CNTN5: variants seen among roughly 807,000 people sequenced by gnomAD.
CNTN5 encodes the protein contactin 5.
A neutral mutation model predicts 129.1 loss-of-function variants in CNTN5; 77 were observed. The observed-to-expected ratio is 0.60, with a 90% confidence interval of 0.50 to 0.72. The LOEUF is 0.72. Ranked by LOEUF, CNTN5 falls within the 30% of genes least tolerant of loss-of-function variation. The pLI, the probability that CNTN5 is intolerant of heterozygous loss-of-function variation, is 0.00. For synonymous variants in CNTN5, 509 were observed against 465.6 expected, an observed-to-expected ratio of 1.09 and a Z score of -1.20; for missense variants, 1,478 against 1,328.8, an observed-to-expected ratio of 1.11 and a Z score of -1.75.
In CNTN5 at chr11:99,561,537, T is replaced by C. The variant is rs570446956; in HGVS notation, c.55+5268T>C. On this transcript the variant is annotated intron_variant, in intron 3 of 24. Coordinates refer to ENST00000524871, the MANE Select transcript of CNTN5 (RefSeq NM_014361.4). Reference sequence around the variant, plus strand: ...TGCATACTGACTTGTTTCCAAAGAGTACAGAATGGGAAATGGGGGCCAAAA... The same window carrying C: ...TGCATACTGACTTGTTTCCAAAGAGCACAGAATGGGAAATGGGGGCCAAAA... Among the ~76,000 whole-genome samples, 9 of 152,114 alleles carry C rather than the reference T, an allele frequency of 5.9e-5. No individual in the cohort carries two copies. The South Asian group carries it at 6.2e-4, about 11-fold the overall frequency.
At chr11:99,629,207 A>G (rs140209028) in intron 3 of CNTN5, among the ~76,000 whole-genome samples, 3 of 152,034 alleles carry the variant, frequency 2.0e-5, no homozygotes, top group African/African-American at 7.2e-5. Flanking sequence ...TTGTAGCCAC[A>G]AAATTATTAT....
intron 13 of CNTN5, among the ~76,000 whole-genome samples, chr11:100,165,832 T>A (rs1406284068): frequency 6.6e-6 from 1 of 151,696 alleles, no homozygotes; most frequent in African/African-American, 2.4e-5. Context: ...CCTAAAGCAA[T>A]CCTTGAGATA....
chr11:99,608,100 TA>T (rs11284734), intron 3 of CNTN5, among the ~76,000 whole-genome samples: 60,198 of 147,284 alleles, frequency 0.41, 12,602 homozygotes, highest in East Asian at 0.56. Flanking sequence ...TAGAGTATAA[TA>T]AAAAAAAAAA....
chr11:100,352,356 A>AT (rs1054770753), intron 24 of CNTN5, among the ~76,000 whole-genome samples: 1 of 151,820 alleles, frequency 6.6e-6, no homozygotes, highest in South Asian at 2.1e-4. Flanking sequence ...CATTCATTTC[A>AT]TTTTTTTAAA....
intron 15 of CNTN5, 127 bp downstream of exon 15, chr11:100,193,790 T>C (rs1266976494): frequency 1.4e-6 from 1 of 716,570 alleles, no homozygotes; most frequent in East Asian, 3.0e-5. Context: ...ATAAAAACAA[T>C]TACTTTCTGC....
chr11:100,057,600 A>G (rs2137784140), intron 9 of CNTN5, among the ~76,000 whole-genome samples: 1 of 152,052 alleles, frequency 6.6e-6, no homozygotes, highest in African/African-American at 2.4e-5. Context: ...ACTGCCCTAA[A>G]GATATTTGCA....
rs375467504 is a variant in CNTN5, at chr11:100,014,627, T to C, written c.980+12491T>C. Among the ~76,000 whole-genome samples, 84 of 152,258 alleles carry C rather than the reference T, an allele frequency of 5.5e-4. 1 individual carries two copies. In the South Asian group the frequency reaches 8.5e-3, roughly 15 times the overall value. ...AAAATTAAAAATACATAGATTTTTA[T>C]TGATGCTTCATTAGCTTTGGGAATT... On this transcript the variant is annotated intron_variant, in intron 9 of 24. Transcript: ENST00000524871.
chr11:99,712,681 T>G (rs1955043061), intron 3 of CNTN5, among the ~76,000 whole-genome samples: 1 of 152,174 alleles, frequency 6.6e-6, no homozygotes, highest in Admixed American at 6.5e-5. Context: ...GGATCTAGTT[T>G]CAGCTTTCTG....
At chr11:99,477,941 A>G (rs1945442208) in intron 2 of CNTN5, among the ~76,000 whole-genome samples, 1 of 152,180 alleles carries the variant, frequency 6.6e-6, no homozygotes, top group Non-Finnish European at 1.5e-5. Context: ...TTGTAGAATC[A>G]GAATGTGAAT....
chr11:99,455,017 C>A (rs368332900), intron 2 of CNTN5, among the ~76,000 whole-genome samples: 1 of 152,046 alleles, frequency 6.6e-6, no homozygotes, highest in Admixed American at 6.6e-5. Flanking sequence ...GAATCTAAAC[C>A]TTGGCAAGGG....
intron 3 of CNTN5, among the ~76,000 whole-genome samples, chr11:99,718,120 G>T (rs1175319073): frequency 3.3e-5 from 5 of 151,908 alleles, no homozygotes; most frequent in African/African-American, 1.2e-4. Flanking sequence ...CGCTCTAATT[G>T]GAACCTTACA....
intron 1 of CNTN5, among the ~76,000 whole-genome samples, chr11:99,078,126 G>T (rs560765687): frequency 6.6e-6 from 1 of 152,058 alleles, no homozygotes; most frequent in South Asian, 2.1e-4. Context: ...CACAAAAATT[G>T]ATATTAATGT....
intron 3 of CNTN5, among the ~76,000 whole-genome samples, chr11:99,695,771 A>G (rs1359910998): frequency 6.6e-6 from 1 of 152,020 alleles, no homozygotes; most frequent in Admixed American, 6.6e-5. Flanking sequence ...ACTCTGTAAA[A>G]GCTGACAACC....
chr11:100,261,545 T>C (rs180857401), intron 17 of CNTN5, among the ~76,000 whole-genome samples: 109 of 152,064 alleles, frequency 7.2e-4, no homozygotes, highest in African/African-American at 1.9e-3. Context: ...TGAACTCAAA[T>C]TCTACTATAA....
chr11:100,031,852 C>A (rs1941728149), intron 9 of CNTN5, among the ~76,000 whole-genome samples: 1 of 152,120 alleles, frequency 6.6e-6, no homozygotes, highest in Non-Finnish European at 1.5e-5. Flanking sequence ...ATCCTAAATC[C>A]CTCACTAACC....
intron 1 of CNTN5, among the ~76,000 whole-genome samples, chr11:99,053,350 C>A (rs920231185): frequency 6.6e-6 from 1 of 151,908 alleles, no homozygotes; most frequent in African/African-American, 2.4e-5. Context: ...AACAGTCATG[C>A]CAAATGTACA....
At chr11:99,139,616 C>A (rs1263219287) in intron 1 of CNTN5, among the ~76,000 whole-genome samples, 3 of 143,474 alleles carry the variant, frequency 2.1e-5, no homozygotes, top group East Asian at 4.4e-4. Context: ...TATAAAACAT[C>A]TTTTCTTATT....
At chr11:99,951,819 AT>A (rs200800383) in intron 7 of CNTN5, among the ~76,000 whole-genome samples, 1,803 of 152,300 alleles carry the variant, frequency 0.012, 35 homozygotes, top group African/African-American at 0.041. Context: ...GAACAAGCCA[AT>A]TTTGATCTTA....
intron 3 of CNTN5, among the ~76,000 whole-genome samples, chr11:99,754,201 G>A (rs1944337342): frequency 6.6e-6 from 1 of 152,064 alleles, no homozygotes; most frequent in Admixed American, 6.6e-5. Flanking sequence ...CTTGTTAAAT[G>A]TTTTAAATAT....
Sources: allele counts gnomAD v4.1 joint callset (sites outside exome capture counted in the v4.1 genomes callset), GRCh38; gene constraint gnomAD v4.1.1; transcripts MANE v1.5; gene names NCBI Gene and HGNC (gene_info 2026-07-23, HGNC 2026-07-21).